The following XPR1 variants were observed in gnomAD, a reference collection of about 807,000 sequenced individuals.
XPR1 encodes solute carrier family 53 member 1.
A neutral mutation model predicts 87.5 loss-of-function variants in XPR1; 28 were observed. That is an observed-to-expected ratio of 0.32 (90% CI 0.24 to 0.44). The LOEUF is 0.44. Among genes scored for constraint, XPR1 ranks in the 20% least tolerant of loss-of-function variants. The pLI, the probability that XPR1 is intolerant of heterozygous loss-of-function variation, is 1.00. For synonymous variants in XPR1, 300 were observed against 306.1 expected, an observed-to-expected ratio of 0.98 and a Z score of 0.21; for missense variants, 559 against 862.3, an observed-to-expected ratio of 0.65 and a Z score of 4.41.
chr1:180,655,300 C>A (rs2101908228), intron 1 of XPR1, among the ~76,000 whole-genome samples: 1 of 151,570 alleles, frequency 6.6e-6, no homozygotes, highest in Non-Finnish European at 1.5e-5. Flanking sequence ...AGTTCTCTAT[C>A]TATTCTGGAT....
chr1:180,661,460 G>T (rs1211772881), intron 1 of XPR1, among the ~76,000 whole-genome samples: 1 of 143,754 alleles, frequency 7.0e-6, no homozygotes, highest in Non-Finnish European at 1.5e-5. Flanking sequence ...TTCTCTGCTG[G>T]TATGTTTTAA....
intron 4 of XPR1, among the ~76,000 whole-genome samples, chr1:180,805,305 C>T (rs1039688623): frequency 2.6e-5 from 4 of 152,100 alleles, no homozygotes; most frequent in South Asian, 4.1e-4. Flanking sequence ...TTTGGGAGAC[C>T]TCTGGTTTAA....
intron 2 of XPR1, among the ~76,000 whole-genome samples, chr1:180,720,536 T>C (rs767988671): frequency 1.6e-4 from 24 of 152,212 alleles, no homozygotes; most frequent in Admixed American, 6.5e-5. Flanking sequence ...ATTAGAGATA[T>C]GGTTTTATAT....
intron 6 of XPR1, among the ~76,000 whole-genome samples, chr1:180,810,435 G>C (rs1022838377): frequency 6.6e-6 from 1 of 152,000 alleles, no homozygotes; most frequent in African/African-American, 2.4e-5. Context: ...ACAAAACTTA[G>C]CTGGGCATGG....
intron 7 of XPR1, among the ~76,000 whole-genome samples, chr1:180,812,320 T>C (rs1221462559): frequency 2.0e-5 from 3 of 152,228 alleles, no homozygotes; most frequent in Non-Finnish European, 2.9e-5. Flanking sequence ...TATTCAAGAC[T>C]ATGGCTATAA....
At chr1:180,718,391 G>T (rs763976376) in intron 2 of XPR1, among the ~76,000 whole-genome samples, 1 of 152,164 alleles carries the variant, frequency 6.6e-6, no homozygotes, top group Non-Finnish European at 1.5e-5. Flanking sequence ...TGGGTATGGA[G>T]TGGCAAATTT....
intron 1 of XPR1, among the ~76,000 whole-genome samples, chr1:180,656,664 T>A (rs1655540771): frequency 1.6e-5 from 2 of 126,416 alleles, no homozygotes; most frequent in African/African-American, 2.9e-5. Flanking sequence ...AATATATAAT[T>A]TATATTATAT....
chr1:180,822,745 A>G (rs1294669138), intron 7 of XPR1, among the ~76,000 whole-genome samples: 1 of 152,194 alleles, frequency 6.6e-6, no homozygotes, highest in Non-Finnish European at 1.5e-5. Flanking sequence ...ATGAGAATAG[A>G]TATTATCCCC....
Position 180,719,324 on chromosome 1 carries a change from TAAAG to T in XPR1, c.121+36917_121+36920del, listed in dbSNP as rs139226615. Among the ~76,000 whole-genome samples, 1,137 of 152,236 alleles carry T rather than the reference TAAAG, an allele frequency of 7.5e-3. 11 individuals carry two copies. The highest frequency in any genetic ancestry group is 0.025 in the African/African-American group (1,034 of 41,534). ...TGCATTTTAAAAATTTATGAAACAA[TAAAG>T]AAAAAAGTTGGAAGTATATTTAGAA... is the stretch of plus-strand genomic sequence containing the variant. On this transcript the variant is annotated intron_variant, in intron 2 of 14. Transcript: ENST00000367590.
chr1:180,681,221 A>C (rs1656567292), intron 1 of XPR1, among the ~76,000 whole-genome samples: 1 of 152,232 alleles, frequency 6.6e-6, no homozygotes, highest in South Asian at 2.1e-4. Flanking sequence ...GAATGTTCTC[A>C]ACACAAAAAA....
At chr1:180,681,112 C>A (rs906546525) in intron 1 of XPR1, among the ~76,000 whole-genome samples, 1 of 152,098 alleles carries the variant, frequency 6.6e-6, no homozygotes, top group Non-Finnish European at 1.5e-5. Context: ...TATAGAATTA[C>A]AGCTAGATAG....
chr1:180,782,015 C>G (rs1648961447), intron 2 of XPR1, among the ~76,000 whole-genome samples: 1 of 152,034 alleles, frequency 6.6e-6, no homozygotes. Context: ...AAATCAGTCT[C>G]TCTTTCTCTC....
At chr1:180,709,923 C>T (rs377255737) in intron 2 of XPR1, among the ~76,000 whole-genome samples, 225 of 138,138 alleles carry the variant, frequency 1.6e-3, no homozygotes, top group African/African-American at 4.9e-3. Context: ...TTTTTATTTT[C>T]GAGATGGAGT....
At chr1:180,874,656 C>T (rs1483831774) in intron 13 of XPR1, among the ~76,000 whole-genome samples, 14 of 151,894 alleles carry the variant, frequency 9.2e-5, no homozygotes, top group Admixed American at 9.2e-4. Flanking sequence ...CACTGTTGCA[C>T]TCCAACCTGG....
intron 9 of XPR1, among the ~76,000 whole-genome samples, chr1:180,830,302 T>C (rs529769965): frequency 1.9e-4 from 29 of 152,252 alleles, no homozygotes; most frequent in Middle Eastern, 3.4e-3. Flanking sequence ...GTTGGACTCA[T>C]GGAAAGATTA....
At chr1:180,654,957 A>G (rs1655406674) in intron 1 of XPR1, among the ~76,000 whole-genome samples, 1 of 152,144 alleles carries the variant, frequency 6.6e-6, no homozygotes, top group Non-Finnish European at 1.5e-5. Context: ...TAATTACTAG[A>G]TCTTATAAAA....
At chr1:180,740,215 G>C (rs1347919048) in intron 2 of XPR1, among the ~76,000 whole-genome samples, 1 of 152,084 alleles carries the variant, frequency 6.6e-6, no homozygotes, top group African/African-American at 2.4e-5. Flanking sequence ...ATGTTGAATA[G>C]GTGTGAAGAG....
At chr1:180,794,395 G>A (rs961105194) in intron 3 of XPR1, among the ~76,000 whole-genome samples, 12 of 152,206 alleles carry the variant, frequency 7.9e-5, no homozygotes, top group African/African-American at 2.9e-4. Context: ...ACGACTGTAC[G>A]TGGGTCATCA....
chr1:180,845,643 C>G (rs1007901501), intron 11 of XPR1, among the ~76,000 whole-genome samples: 1 of 152,198 alleles, frequency 6.6e-6, no homozygotes, highest in Non-Finnish European at 1.5e-5. Context: ...ACCTCAGCCT[C>G]CTGAGTAGCT....
Sources: gnomAD v4.1 joint callset for allele counts (sites outside exome capture counted in the v4.1 genomes callset) on GRCh38, gnomAD v4.1.1 for gene constraint, MANE v1.5 for transcripts, NCBI Gene and HGNC (gene_info 2026-07-23, HGNC 2026-07-21) for gene names.